MALRD1: variants seen among roughly 807,000 people sequenced by gnomAD.
The protein encoded by MALRD1 is MAM and LDL receptor class A domain containing 1.
A neutral mutation model predicts 242.1 loss-of-function variants in MALRD1; 247 were observed. The ratio of observed to expected loss-of-function variants is 1.02; its 90% confidence interval spans 0.92 to 1.13. The LOEUF is 1.13. Among genes scored for constraint, MALRD1 ranks in the 50% most tolerant of loss-of-function variants. The probability of loss-of-function intolerance (pLI) is 0.00; values close to 1 mark genes in which losing one functional copy is unlikely to be tolerated. For synonymous variants in MALRD1, 995 were observed against 866.6 expected (o/e 1.15, Z -2.60); for missense variants, 2,989 against 2,533.1 (o/e 1.18, Z -3.86).
chr10:19,065,309 A>G (rs1366332585), intron 1 of MALRD1, among the ~76,000 whole-genome samples: 1 of 147,486 alleles, frequency 6.8e-6, no homozygotes, highest in Non-Finnish European at 1.5e-5. Context: ...AAAAAAAAAA[A>G]GGAAGAAAGA....
chr10:19,290,638 A>T (rs1020215162), intron 21 of MALRD1, among the ~76,000 whole-genome samples: 8 of 152,302 alleles, frequency 5.3e-5, no homozygotes, highest in Non-Finnish European at 8.8e-5. Context: ...TGAGAAAAGA[A>T]TCATAATCTA....
intron 35 of MALRD1, among the ~76,000 whole-genome samples, chr10:19,608,535 A>G (rs1049979943): frequency 2.0e-5 from 3 of 152,102 alleles, no homozygotes; most frequent in Non-Finnish European, 2.9e-5. Flanking sequence ...TGGATGATAT[A>G]TAAAATAACA....
intron 32 of MALRD1, among the ~76,000 whole-genome samples, chr10:19,541,650 G>T (rs1464400056): frequency 2.6e-5 from 4 of 152,132 alleles, no homozygotes; most frequent in African/African-American, 9.7e-5. Context: ...AAAAAGGCAA[G>T]GTTTGGTCTG....
intron 14 of MALRD1, among the ~76,000 whole-genome samples, chr10:19,195,723 C>T (rs1836207056): frequency 6.6e-6 from 1 of 152,114 alleles, no homozygotes; most frequent in African/African-American, 2.4e-5. Context: ...GTCCACAAAG[C>T]ATAGCTGAAT....
intron 36 of MALRD1, among the ~76,000 whole-genome samples, chr10:19,642,718 T>G (rs1004241659): frequency 6.6e-6 from 1 of 152,180 alleles, no homozygotes; most frequent in South Asian, 2.1e-4. Context: ...GGAGAAGATC[T>G]GAGGCTTCTG....
At chr10:19,639,759 A>AT (rs1840302912) in intron 36 of MALRD1, among the ~76,000 whole-genome samples, 1 of 152,218 alleles carries the variant, frequency 6.6e-6, no homozygotes, top group Admixed American at 6.5e-5. Flanking sequence ...GCACAGTATC[A>AT]TTTTCAGAAT....
intron 33 of MALRD1, among the ~76,000 whole-genome samples, chr10:19,582,087 A>T (rs577712163): frequency 1.0e-3 from 155 of 151,586 alleles, no homozygotes; most frequent in African/African-American, 3.5e-3. Context: ...TTTTCTTGTA[A>T]ATTTGTTTGA....
At chr10:19,177,889 A>T (rs1386560238) in intron 14 of MALRD1, among the ~76,000 whole-genome samples, 1 of 152,120 alleles carries the variant, frequency 6.6e-6, no homozygotes, top group African/African-American at 2.4e-5. Context: ...TAGAATGAGG[A>T]TCTTGTGACC....
In MALRD1 at chr10:19,692,528, T is replaced by C. The variant is rs1423663528; in HGVS notation, c.6288T>C (p.Phe2096=). 6.5e-7 allele frequency: 1 copy of C among 1,535,660 alleles called. No homozygotes were observed. Among genetic ancestry groups the C allele is most frequent in the African/African-American group, 1.4e-5 (1 of 72,982 alleles). ...ACATCACAGTTGCAGTCTTGTGTTT[T>C]CTTGCAAACAGAAAGGTACCAATAA... The part of the protein sequence containing the change: ...MTHITVAVLC[F]LANRKVPIRK... Residue 2096 remains phenylalanine, a synonymous_variant, in exon 38 of 40, where the codon TTT becomes TTC. Coordinates refer to ENST00000454679, the MANE Select transcript of MALRD1 (RefSeq NM_001142308.3).
intron 38 of MALRD1, among the ~76,000 whole-genome samples, chr10:19,701,017 T>C (rs978744536): frequency 1.8e-4 from 27 of 152,188 alleles, no homozygotes; most frequent in African/African-American, 6.3e-4. Context: ...GGCATGGTGG[T>C]ACGTGCCTGT....
intron 26 of MALRD1, among the ~76,000 whole-genome samples, chr10:19,354,978 G>A (rs906482474): frequency 5.9e-5 from 9 of 152,176 alleles, no homozygotes; most frequent in African/African-American, 2.2e-4. Context: ...ACATTCAGCT[G>A]AGGATATCTA....
At chr10:19,181,060 C>A (rs80297706) in intron 14 of MALRD1, among the ~76,000 whole-genome samples, 132 of 151,152 alleles carry the variant, frequency 8.7e-4, no homozygotes, top group African/African-American at 3.1e-3. Context: ...TAAAAAAAAG[C>A]GTAACACATT....
At chr10:19,384,359 T>C (rs1215968544) in intron 26 of MALRD1, among the ~76,000 whole-genome samples, 1 of 124,294 alleles carries the variant, frequency 8.0e-6, no homozygotes, top group Admixed American at 1.0e-4. Flanking sequence ...TAATATATAT[T>C]ATATAGTATA....
chr10:19,155,618 A>C (rs962743925), intron 12 of MALRD1, among the ~76,000 whole-genome samples: 20 of 152,166 alleles, frequency 1.3e-4, no homozygotes, highest in South Asian at 4.1e-4. Context: ...TACCCATTTT[A>C]TTTCAGCAGC....
At position 19,327,548 on chromosome 10, in the gene MALRD1, G is replaced by T. The variant is rs770851283; in HGVS notation, c.3577-15G>T. On this transcript the variant is annotated splice_polypyrimidine_tract_variant and intron_variant, in intron 22 of 39. Coordinates refer to ENST00000454679, the MANE Select transcript of MALRD1 (RefSeq NM_001142308.3). ...TAAAATACTTCAGTGCCTTTTACTT[G>T]ATTTATCTCTATAGGTGCTCATCAA... 10 of 1,535,088 alleles carry T rather than the reference G, an allele frequency of 6.5e-6. No homozygotes were observed. The highest frequency in any genetic ancestry group is 5.9e-5 in the Admixed American group (3 of 50,486).
chr10:19,532,632 A>G (rs760767627), intron 32 of MALRD1, among the ~76,000 whole-genome samples: 5 of 152,188 alleles, frequency 3.3e-5, no homozygotes, highest in Non-Finnish European at 7.3e-5. Flanking sequence ...GAAGAGAAAC[A>G]TGGGAAAATG....
chr10:19,458,149 A>C (rs545786360), intron 29 of MALRD1, among the ~76,000 whole-genome samples: 47 of 152,298 alleles, frequency 3.1e-4, no homozygotes, highest in African/African-American at 1.1e-3. Flanking sequence ...TCTTTATAGA[A>C]GAATCCATAC....
chr10:19,564,679 C>T (rs929717148), intron 32 of MALRD1, among the ~76,000 whole-genome samples: 8 of 151,814 alleles, frequency 5.3e-5, no homozygotes, highest in South Asian at 4.2e-4. Context: ...TATGAGTTGC[C>T]GTTTTAGTTA....
chr10:19,284,558 A>C (rs894901733), intron 21 of MALRD1, among the ~76,000 whole-genome samples: 1 of 150,944 alleles, frequency 6.6e-6, no homozygotes, highest in South Asian at 2.1e-4. Context: ...AGTTTCATCC[A>C]TGTCCCTACA....
Sources: gnomAD v4.1 joint callset for allele counts (sites outside exome capture counted in the v4.1 genomes callset) on GRCh38, gnomAD v4.1.1 for gene constraint, MANE v1.5 for transcripts, NCBI Gene and HGNC (gene_info 2026-07-23, HGNC 2026-07-21) for gene names.